SRBD1: variants seen among roughly 807,000 people sequenced by gnomAD.
SRBD1 encodes S1 RNA binding domain 1.
A neutral mutation model predicts 115.3 loss-of-function variants in SRBD1; 88 were observed. The ratio of observed to expected loss-of-function variants is 0.76; its 90% CI spans 0.64 to 0.91. The LOEUF is 0.91. Among genes scored for constraint, SRBD1 ranks in the 40% least tolerant of loss-of-function variants. The pLI is 0.00. For synonymous variants in SRBD1, 509 were observed against 407.7 expected (o/e 1.25, Z -2.99); for missense variants, 1,385 against 1,177.4 (o/e 1.18, Z -2.58).
Position 45,562,842 on chromosome 2 carries a change from T to C in SRBD1, c.1306-86A>G, listed in dbSNP as rs72882451. The stretch of plus-strand genomic sequence containing the variant: ...ACTATGTAGCTGACAGCTATATGAA[T>C]TTTTTACTCGTTTATTAAACAAGAA... On this transcript the variant is annotated intron_variant, in intron 9 of 20. Transcript: ENST00000263736. 5.7e-3 allele frequency: 4,540 copies of C among 793,172 alleles called. 133 individuals are homozygous for C. The African/African-American group carries it at 0.071, about 12-fold the overall frequency. The allele number at this position is 793,172 out of a possible 1,614,324, so 49.1% of individuals were successfully genotyped here.
intron 5 of SRBD1, among the ~76,000 whole-genome samples, chr2:45,584,699 C>G (rs1673463304): frequency 6.6e-6 from 1 of 152,176 alleles, no homozygotes; most frequent in African/African-American, 2.4e-5. Flanking sequence ...TTAATAAACC[C>G]TATCGAATAA....
chr2:45,403,242 G>T (rs1667338410), intron 19 of SRBD1, among the ~76,000 whole-genome samples: 1 of 151,824 alleles, frequency 6.6e-6, no homozygotes, highest in African/African-American at 2.4e-5. Context: ...CAATATTTAG[G>T]AAAGGCAACA....
intron 16 of SRBD1, among the ~76,000 whole-genome samples, 198 bp downstream of exon 16, chr2:45,476,791 TAATC>T (rs1669817087): frequency 6.6e-6 from 1 of 152,198 alleles, no homozygotes; most frequent in South Asian, 2.1e-4. Context: ...TTCTAAGTCT[TAATC>T]AAAATCATTA....
intron 16 of SRBD1, among the ~76,000 whole-genome samples, chr2:45,451,441 T>C (rs1464716241): frequency 1.3e-5 from 2 of 152,036 alleles, no homozygotes; most frequent in Non-Finnish European, 2.9e-5. Flanking sequence ...TTATTGGCAA[T>C]TATACAATAA....
At chr2:45,533,327 AC>A (rs1335936441) in intron 14 of SRBD1, among the ~76,000 whole-genome samples, 1 of 152,050 alleles carries the variant, frequency 6.6e-6, no homozygotes, top group Non-Finnish European at 1.5e-5. Flanking sequence ...AGAAATTAAG[AC>A]TGCACTGGAC....
intron 3 of SRBD1, among the ~76,000 whole-genome samples, chr2:45,600,803 T>C (rs1229776768): frequency 6.6e-6 from 1 of 152,168 alleles, no homozygotes; most frequent in African/African-American, 2.4e-5. Context: ...GGCACAAACA[T>C]GAACAATTCC....
chr2:45,589,494 G>A (rs1335310688), intron 4 of SRBD1, among the ~76,000 whole-genome samples: 2 of 152,198 alleles, frequency 1.3e-5, no homozygotes, highest in African/African-American at 4.8e-5. Context: ...CGACAGGAAT[G>A]CTCATCATTT....
chr2:45,429,897 G>A (rs548447579), intron 16 of SRBD1, among the ~76,000 whole-genome samples: 79 of 152,252 alleles, frequency 5.2e-4, no homozygotes, highest in Non-Finnish European at 7.3e-4. Flanking sequence ...ACACCCCATC[G>A]TCTCAGCCCA....
chr2:45,550,792 T>C (rs560273731), intron 12 of SRBD1, among the ~76,000 whole-genome samples: 3 of 152,276 alleles, frequency 2.0e-5, no homozygotes, highest in South Asian at 4.1e-4. Context: ...GTATTTAAAA[T>C]ATAAGCAGAA....
chr2:45,522,904 C>G (rs1429065847), intron 14 of SRBD1, among the ~76,000 whole-genome samples: 1 of 152,062 alleles, frequency 6.6e-6, no homozygotes, highest in East Asian at 1.9e-4. Flanking sequence ...TAAGCTATTA[C>G]TAGTTTTAGG....
At chr2:45,407,153 T>C (rs1667460192) in intron 19 of SRBD1, among the ~76,000 whole-genome samples, 1 of 152,124 alleles carries the variant, frequency 6.6e-6, no homozygotes. Context: ...GAAGTGGGAA[T>C]AATAATAGTA....
At chr2:45,424,295 A>C (rs1323418016) in intron 16 of SRBD1, among the ~76,000 whole-genome samples, 1 of 152,178 alleles carries the variant, frequency 6.6e-6, no homozygotes, top group Non-Finnish European at 1.5e-5. Context: ...ACACTTGTGT[A>C]ATCCCCTCCT....
chr2:45,421,997 G>T lies in SRBD1; in HGVS notation c.2050-2103C>A, dbSNP rs147654291. On this transcript the variant is annotated intron_variant, in intron 16 of 20. Transcript: ENST00000263736. ...TTTAAGAAGCTAGTCTTTTGTCTAA[G>T]CAGATGAAAAGCAGCAAAATGAAAA... is the stretch of plus-strand genomic sequence containing the variant. 4.0e-3 allele frequency among the ~76,000 whole-genome samples: 616 copies of T among 152,286 alleles called. 19 individuals carry two copies. Among genetic ancestry groups the T allele is most frequent in the Admixed American group, 0.037 (563 of 15,282 alleles).
intron 14 of SRBD1, among the ~76,000 whole-genome samples, chr2:45,539,893 C>T (rs1279198986): frequency 6.6e-6 from 1 of 151,966 alleles, no homozygotes; most frequent in East Asian, 1.9e-4. Context: ...AATAAAATTA[C>T]AAGGATTCTA....
chr2:45,553,715 G>A lies in SRBD1; in HGVS notation c.1425C>T (p.Ser475=), dbSNP rs781382629. The A allele has an allele frequency of 6.3e-7, 1 of 1,594,710 alleles. No homozygotes were observed. The highest frequency in any genetic ancestry group is 8.5e-7 in the Non-Finnish European group (1 of 1,171,586). The change falls in exon 11 of 21, where the codon AGC becomes AGT. Residue 475 remains serine (S), a synonymous_variant. Transcript: ENST00000263736. ...WCIQNRWRPR[S]FARPELMKIL... ...TCTTCATTAACTCTGGCCTTGCAAA[G>A]CTACGTGGTCTCCACCTGCAAAACA... is the stretch of plus-strand genomic sequence containing the variant.
rs78757326 is a variant in SRBD1, at chr2:45,607,156, A to C, written c.1-1715T>G. On this transcript the variant is annotated intron_variant, in intron 1 of 20. Coordinates refer to ENST00000263736, the MANE Select transcript of SRBD1 (RefSeq NM_018079.5). ...GGTTATAAAGATCATCCTTTCTCAAATTAGTATTTTTTAGACATTGATCAT... is the reference window on the plus strand; with the variant it reads ...GGTTATAAAGATCATCCTTTCTCAACTTAGTATTTTTTAGACATTGATCAT... 6.5e-3 allele frequency among the ~76,000 whole-genome samples: 996 copies of C among 152,298 alleles called. 19 individuals are homozygous for C. Among genetic ancestry groups the C allele is most frequent in the African/African-American group, 0.023 (960 of 41,556 alleles).
At chr2:45,418,312 C>G (rs780131303) in intron 18 of SRBD1, 53 bp downstream of exon 18, 8 of 1,581,488 alleles carry the variant, frequency 5.1e-6, no homozygotes, top group Admixed American at 1.8e-5. Flanking sequence ...GGATAGGTAA[C>G]AGTAACAAGA....
At chr2:45,480,860 T>C (rs1363610747) in intron 15 of SRBD1, among the ~76,000 whole-genome samples, 2 of 152,190 alleles carry the variant, frequency 1.3e-5, no homozygotes, top group Non-Finnish European at 2.9e-5. Context: ...ACTTCAATTT[T>C]AAATAAAGTT....
chr2:45,516,471 G>C (rs1372993679), intron 14 of SRBD1, among the ~76,000 whole-genome samples: 1 of 152,124 alleles, frequency 6.6e-6, no homozygotes, highest in Non-Finnish European at 1.5e-5. Context: ...ACATTAATGA[G>C]TGAAGGAAAA....
Sources: gnomAD v4.1 joint callset for allele counts (sites outside exome capture counted in the v4.1 genomes callset) on GRCh38, gnomAD v4.1.1 for gene constraint, MANE v1.5 for transcripts, NCBI Gene and HGNC (gene_info 2026-07-23, HGNC 2026-07-21) for gene names.